Variants in TMEM132C observed in about 807,000 individuals in gnomAD.
TMEM132C encodes protein phosphatase 1, regulatory subunit 152.
Under a neutral mutation model 61.4 loss-of-function variants are expected in TMEM132C, and 29 were observed. The observed-to-expected ratio is 0.47, with a 90% CI of 0.35 to 0.64. TMEM132C has a LOEUF of 0.64. TMEM132C is among the 30% of genes least tolerant of loss of function. TMEM132C has a pLI of 0.00. For synonymous variants in TMEM132C, 656 were observed against 633.1 expected, an observed-to-expected ratio of 1.04 and a Z score of -0.54; for missense variants, 1,408 against 1,476.9, an observed-to-expected ratio of 0.95 and a Z score of 0.76.
At chr12:128,695,799 G>C in intron 6 of TMEM132C, 31 bp from the exon 7 acceptor site, 1 of 1,512,990 alleles carries the variant, frequency 6.6e-7, no homozygotes, top group South Asian at 1.3e-5. Context: ...CCTCTCCCTG[G>C]ATCTGAGAGC....
chr12:128,372,341 C>G (rs1310932415), intron 1 of TMEM132C, among the ~76,000 whole-genome samples: 2 of 152,166 alleles, frequency 1.3e-5, no homozygotes, highest in Non-Finnish European at 2.9e-5. Flanking sequence ...TTTTCTGCCT[C>G]ATGTAACTGG....
At chr12:128,697,977 CT>C (rs1954777758) in intron 8 of TMEM132C, among the ~76,000 whole-genome samples, 1 of 152,206 alleles carries the variant, frequency 6.6e-6, no homozygotes, top group African/African-American at 2.4e-5. Context: ...TTATGATACC[CT>C]CTTCTCATAA....
In TMEM132C at chr12:128,691,622, G is replaced by A. The variant is rs11836179; in HGVS notation, c.1450-2207G>A. Among the ~76,000 whole-genome samples the A allele has an allele frequency of 2.3e-3, 356 of 152,228 alleles. 4 individuals are homozygous for A. Among genetic ancestry groups the A allele is most frequent in the African/African-American group, 8.1e-3 (336 of 41,528 alleles). Reference sequence around the variant, plus strand: ...CATCTGTTCAGCTGTCTATCAATCTGTCGACCTATTCACCCATTTATCCAC... The same window carrying A: ...CATCTGTTCAGCTGTCTATCAATCTATCGACCTATTCACCCATTTATCCAC... On this transcript the variant is annotated intron_variant, in intron 5 of 8. Transcript: ENST00000435159.
chr12:128,405,021 G>A (rs778172169), intron 1 of TMEM132C, among the ~76,000 whole-genome samples: 1 of 140,618 alleles, frequency 7.1e-6, no homozygotes, highest in East Asian at 2.2e-4. Context: ...GCTGTCACCT[G>A]CTCTCCAGGC....
At chr12:128,363,300 C>G (rs954825108) in intron 1 of TMEM132C, among the ~76,000 whole-genome samples, 2 of 152,136 alleles carry the variant, frequency 1.3e-5, no homozygotes, top group Admixed American at 1.3e-4. Context: ...AAAGCCTGCT[C>G]TGCCCACTCC....
intron 3 of TMEM132C, among the ~76,000 whole-genome samples, chr12:128,563,289 T>C (rs1177589335): frequency 2.0e-5 from 3 of 152,228 alleles, no homozygotes; most frequent in African/African-American, 7.2e-5. Flanking sequence ...GAGGAACTTC[T>C]GGGAGTCAGA....
chr12:128,435,751 C>T (rs770279202), intron 2 of TMEM132C, among the ~76,000 whole-genome samples: 2 of 152,122 alleles, frequency 1.3e-5, no homozygotes, highest in Non-Finnish European at 2.9e-5. Context: ...AGTGCCATCC[C>T]CATCAAGCTA....
intron 1 of TMEM132C, among the ~76,000 whole-genome samples, chr12:128,335,727 C>T (rs947028350): frequency 1.3e-5 from 2 of 152,184 alleles, no homozygotes; most frequent in African/African-American, 4.8e-5. Context: ...ATAGCAGCCC[C>T]ATGGGGTAGA....
At chr12:128,474,309 G>A (rs1871085213) in intron 2 of TMEM132C, among the ~76,000 whole-genome samples, 1 of 152,164 alleles carries the variant, frequency 6.6e-6, no homozygotes, top group African/African-American at 2.4e-5. Flanking sequence ...CAGGAGGGGA[G>A]TCACAAGCAT....
At chr12:128,539,003 G>A (rs1331434050) in intron 2 of TMEM132C, among the ~76,000 whole-genome samples, 1 of 152,034 alleles carries the variant, frequency 6.6e-6, no homozygotes, top group East Asian at 1.9e-4. Context: ...TTGATTTTCT[G>A]TATATTTAGC....
chr12:128,380,954 G>A (rs1166342001), intron 1 of TMEM132C, among the ~76,000 whole-genome samples: 1 of 152,220 alleles, frequency 6.6e-6, no homozygotes, highest in African/African-American at 2.4e-5. Flanking sequence ...CTGATTGAAT[G>A]CAGGTGTTGT....
At position 128,451,767 on chromosome 12, in the gene TMEM132C, A is replaced by G. The variant is rs568653735; in HGVS notation, c.974+36147A>G. 4.6e-5 allele frequency among the ~76,000 whole-genome samples: 7 copies of G among 152,278 alleles called. No homozygotes were observed. In the East Asian group the frequency reaches 9.7e-4, roughly 21 times the overall value. ...TTGAGGCTTTGTGCCACAAGTCATT[A>G]ATTTATTCACTCATTCCTTTAGTCA... On this transcript the variant is annotated intron_variant, in intron 2 of 8. Transcript: ENST00000435159.
At chr12:128,657,646 T>C (rs1050553754) in intron 4 of TMEM132C, among the ~76,000 whole-genome samples, 2 of 152,234 alleles carry the variant, frequency 1.3e-5, no homozygotes, top group African/African-American at 4.8e-5. Context: ...AGGGTTCCTC[T>C]GTGTCTGCAT....
At position 128,445,399 on chromosome 12, in the gene TMEM132C, G is replaced by T. The variant is rs138910930; in HGVS notation, c.974+29779G>T. ...GTACTCTTAGCTTGCTGCTGCTCTT[G>T]TTGTCTTTTTGCGAGGCACTTTCAA... On this transcript the variant is annotated intron_variant, in intron 2 of 8. Coordinates refer to ENST00000435159, the MANE Select transcript of TMEM132C (RefSeq NM_001136103.3). Among the ~76,000 whole-genome samples, 97 of 152,268 alleles carry T rather than the reference G, an allele frequency of 6.4e-4. No homozygotes were observed. In the East Asian group the frequency reaches 7.7e-3, roughly 12 times the overall value.
At chr12:128,691,959 C>A (rs1202778039) in intron 5 of TMEM132C, among the ~76,000 whole-genome samples, 2 of 147,614 alleles carry the variant, frequency 1.4e-5, no homozygotes, top group African/African-American at 5.2e-5. Context: ...TTGTCCACTA[C>A]CCATTCACCT....
At position 128,572,886 on chromosome 12, in the gene TMEM132C, T is replaced by G. The variant is rs925221336; in HGVS notation, c.1121+28783T>G. 3.3e-5 allele frequency among the ~76,000 whole-genome samples: 5 copies of G among 152,282 alleles called. No homozygotes were observed. In the East Asian group the frequency reaches 9.7e-4, roughly 29 times the overall value. ...GGTGAAGATACCAGAGAAATGCAAA[T>G]CAAAACCACAATGAGATACCATCTC... On this transcript the variant is annotated intron_variant, in intron 3 of 8. Transcript: ENST00000435159.
chr12:128,515,498 T>C (rs915286119), intron 2 of TMEM132C, among the ~76,000 whole-genome samples: 1 of 152,324 alleles, frequency 6.6e-6, no homozygotes, highest in East Asian at 1.9e-4. Flanking sequence ...AAAAAGTGAA[T>C]GCTCTAGCCA....
intron 2 of TMEM132C, among the ~76,000 whole-genome samples, chr12:128,521,317 ATATGTGTG>A (rs1379145947): frequency 0.014 from 1,992 of 146,268 alleles, 21 homozygotes; most frequent in Non-Finnish European, 0.02. Flanking sequence ...GTATATATAT[ATATGTGTG>A]TGTGTGTGTG....
chr12:128,446,055 G>A (rs1869970714), intron 2 of TMEM132C, among the ~76,000 whole-genome samples: 1 of 152,184 alleles, frequency 6.6e-6, no homozygotes, highest in African/African-American at 2.4e-5. Flanking sequence ...AGCAACGGGG[G>A]ATGGTGTGAG....
Sources: gnomAD v4.1 joint callset for allele counts (sites outside exome capture counted in the v4.1 genomes callset) on GRCh38, gnomAD v4.1.1 for gene constraint, MANE v1.5 for transcripts, NCBI Gene and HGNC (gene_info 2026-07-23, HGNC 2026-07-21) for gene names.